Variants in ADAM2 observed in about 807,000 individuals in gnomAD.
ADAM2 encodes the protein ADAM metallopeptidase domain 2.
In ADAM2, 101 loss-of-function variants were observed where a neutral mutation model predicts 99.3. The observed-to-expected ratio is 1.02, with a 90% CI of 0.87 to 1.20. ADAM2 has a LOEUF of 1.20. ADAM2 is among the 50% of genes most tolerant of loss of function. The pLI is 0.00. For synonymous variants in ADAM2, 323 were observed against 287.6 expected, an observed-to-expected ratio of 1.12 and a Z score of -1.25; for missense variants, 948 against 878.7, an observed-to-expected ratio of 1.08 and a Z score of -1.00.
chr8:39,752,503 C>T (rs1801986524), intron 16 of ADAM2, among the ~76,000 whole-genome samples: 1 of 152,134 alleles, frequency 6.6e-6, no homozygotes, highest in Non-Finnish European at 1.5e-5. Context: ...ATTTTATTGG[C>T]AATACTCTAA....
In ADAM2 at chr8:39,788,658, C is replaced by T; in HGVS notation, c.642+11G>A. 7 of 1,557,508 alleles carry T rather than the reference C, an allele frequency of 4.5e-6. No individual in the cohort carries two copies. Among genetic ancestry groups the T allele is most frequent in the Non-Finnish European group, 6.1e-6 (7 of 1,145,882 alleles). ...CAAGAAGTGCAAAAGTACTAAGAAG[C>T]AAAGACTTACAGCATTCGTCAATCC... On this transcript the variant is annotated intron_variant, in intron 8 of 20. Coordinates refer to ENST00000265708, the MANE Select transcript of ADAM2 (RefSeq NM_001464.5).
intron 4 of ADAM2, among the ~76,000 whole-genome samples, chr8:39,823,027 A>C (rs898777199): frequency 2.0e-5 from 3 of 152,090 alleles, no homozygotes; most frequent in African/African-American, 7.2e-5. Flanking sequence ...TTGGCCTCCC[A>C]AAGTTCTGGG....
At chr8:39,747,589 T>A (rs1823528029) in intron 18 of ADAM2, among the ~76,000 whole-genome samples, 1 of 152,214 alleles carries the variant, frequency 6.6e-6, no homozygotes, top group South Asian at 2.1e-4. Context: ...GATAAAATTT[T>A]ATTGCTCTAA....
chr8:39,776,229 G>A (rs1802982166), intron 11 of ADAM2, among the ~76,000 whole-genome samples: 1 of 152,040 alleles, frequency 6.6e-6, no homozygotes, highest in Admixed American at 6.6e-5. Context: ...GTTTTCTAAA[G>A]CCACTCTGGG....
chr8:39,748,848 C>T (rs117771943), intron 18 of ADAM2, among the ~76,000 whole-genome samples: 1 of 152,236 alleles, frequency 6.6e-6, no homozygotes, highest in Non-Finnish European at 1.5e-5. Flanking sequence ...TCATGCTGGA[C>T]AGTTACTCTC....
At chr8:39,835,000 C>T (rs1805765346) in intron 2 of ADAM2, among the ~76,000 whole-genome samples, 1 of 152,114 alleles carries the variant, frequency 6.6e-6, no homozygotes, top group African/African-American at 2.4e-5. Flanking sequence ...CTGTAACTTA[C>T]TATTAATTAC....
intron 15 of ADAM2, among the ~76,000 whole-genome samples, chr8:39,759,927 C>T (rs1477951651): frequency 1.3e-5 from 2 of 152,056 alleles, no homozygotes; most frequent in African/African-American, 2.4e-5. Context: ...ACTGCAGTGG[C>T]GCGATCTCGG....
chr8:39,834,159 CATT>C (rs995447155), intron 2 of ADAM2, among the ~76,000 whole-genome samples, 160 bp from the exon 3 acceptor site: 19 of 152,078 alleles, frequency 1.2e-4, no homozygotes, highest in Admixed American at 1.1e-3. Flanking sequence ...TGGCATTTGA[CATT>C]ATAATTCTAG....
chr8:39,757,345 A>C (rs887711551), intron 15 of ADAM2, among the ~76,000 whole-genome samples: 4 of 152,308 alleles, frequency 2.6e-5, no homozygotes, highest in African/African-American at 9.6e-5. Context: ...CAGAAAGGAA[A>C]GGACTATATA....
rs756224258 is a variant in ADAM2 at position 39,749,780 on chromosome 8, G to A, written c.1798-36C>T. ...TGAGCAAAAATAAGTTAATTGACAT[G>A]CCATCTAGAGTTGCCATTTAATTAA... On this transcript the variant is annotated intron_variant, in intron 16 of 20. Coordinates refer to ENST00000265708, the MANE Select transcript of ADAM2 (RefSeq NM_001464.5). The A allele has an allele frequency of 3.9e-6, 6 of 1,535,030 alleles. No individual in the cohort carries two copies. In the East Asian group the frequency reaches 1.4e-4, roughly 35 times the overall value.
In ADAM2 at chr8:39,766,999, G is replaced by T. The variant is rs760989103; in HGVS notation, c.1356C>A (p.Cys452Ter). The change falls in exon 14 of 21, where the codon TGC becomes TGA. Residue 452 changes from cysteine (C) to a stop codon, truncating the protein, a stop_gained. Transcript: ENST00000265708. LOFTEE classifies it high-confidence loss of function. ...ATCCATTGCAATATTCAGGGAGGTCGCATTCTTCAAAGGAAGGCCTACACA... is the reference window on the plus strand; with the variant it reads ...ATCCATTGCAATATTCAGGGAGGTCTCATTCTTCAAAGGAAGGCCTACACA... ...ERMCRPSFEE[C>*]DLPEYCNGSS... 1.2e-6 allele frequency: 2 copies of T among 1,614,026 alleles called. No individual in the cohort carries two copies. The highest frequency in any genetic ancestry group is 1.3e-5 in the African/African-American group (1 of 75,008).
Position 39,744,841 on chromosome 8 carries a change from G to T in ADAM2, c.*19C>A. ...TGAAAGAAACTCACAGTGATATCAT[G>T]GCATCTCTGTTGTCCAGACTACCCT... On this transcript the variant is annotated 3_prime_UTR_variant, in exon 20 of 21. Transcript: ENST00000265708. The T allele has an allele frequency of 6.3e-7, 1 of 1,585,748 alleles. No homozygotes were observed. Among genetic ancestry groups the T allele is most frequent in the East Asian group, 2.2e-5 (1 of 44,476 alleles).
intron 12 of ADAM2, among the ~76,000 whole-genome samples, chr8:39,769,042 TTATC>T (rs750309503): frequency 1.3e-5 from 2 of 152,174 alleles, no homozygotes; most frequent in Non-Finnish European, 2.9e-5. Context: ...GGTATGTTAG[TTATC>T]TAGATTTTAG....
intron 6 of ADAM2, among the ~76,000 whole-genome samples, chr8:39,810,878 G>A (rs1804665007): frequency 6.6e-6 from 1 of 152,086 alleles, no homozygotes; most frequent in Non-Finnish European, 1.5e-5. Context: ...AAAAGAACTA[G>A]AGAAGCAAGA....
intron 3 of ADAM2, among the ~76,000 whole-genome samples, chr8:39,828,379 C>T (rs1474821421): frequency 1.3e-5 from 2 of 151,528 alleles, no homozygotes; most frequent in East Asian, 1.9e-4. Flanking sequence ...GATTCAATTA[C>T]TCAAGAGTTG....
At chr8:39,835,559 T>G (rs1805788580) in intron 2 of ADAM2, among the ~76,000 whole-genome samples, 2 of 152,044 alleles carry the variant, frequency 1.3e-5, no homozygotes, top group South Asian at 2.1e-4. Flanking sequence ...GGCAGGTGCC[T>G]GTAGTCCCAG....
intron 20 of ADAM2, among the ~76,000 whole-genome samples, chr8:39,744,599 A>G (rs955647251): frequency 9.2e-5 from 14 of 152,028 alleles, no homozygotes; most frequent in African/African-American, 3.4e-4. Context: ...ACACATGGAC[A>G]CAGGGAGGGG....
At chr8:39,833,336 G>A (rs1805691648) in intron 3 of ADAM2, among the ~76,000 whole-genome samples, 1 of 151,990 alleles carries the variant, frequency 6.6e-6, no homozygotes, top group South Asian at 2.1e-4. Flanking sequence ...TTTGATTTTT[G>A]TATTGATTTG....
At chr8:39,787,099 T>C in intron 9 of ADAM2, 44 bp from the exon 10 acceptor site, 1 of 1,235,634 alleles carries the variant, frequency 8.1e-7, no homozygotes, top group South Asian at 1.5e-5. Context: ...TTTGTAAAAA[T>C]TAATATGAAT....
Sources: allele counts gnomAD v4.1 joint callset (sites outside exome capture counted in the v4.1 genomes callset), GRCh38; gene constraint gnomAD v4.1.1; transcripts MANE v1.5; gene names NCBI Gene and HGNC (gene_info 2026-07-23, HGNC 2026-07-21).